ERCC6: variants seen among roughly 807,000 people sequenced by gnomAD.
ERCC6 encodes DNA excision repair protein ERCC-6.
ERCC6 carries 116 observed loss-of-function variants against 158.7 expected under a neutral mutation model. The observed-to-expected ratio is 0.73, with a 90% CI of 0.63 to 0.85. ERCC6 has a LOEUF of 0.85. ERCC6 is among the 40% of genes least tolerant of loss of function. The pLI is 0.00. For missense variants in ERCC6, 1,698 were observed against 1,799.4 expected (o/e 0.94, Z 1.02); for synonymous variants, 678 against 659.3 (o/e 1.03, Z -0.43).
chr10:49,511,371 G>A (rs1836813236), intron 5 of ERCC6, among the ~76,000 whole-genome samples: 1 of 151,294 alleles, frequency 6.6e-6, no homozygotes, highest in Non-Finnish European at 1.5e-5. Flanking sequence ...ATCTATACAT[G>A]TAAAAGTCAC....
intron 8 of ERCC6, among the ~76,000 whole-genome samples, chr10:49,484,852 T>C (rs146087611): frequency 0.014 from 2,143 of 152,314 alleles, 24 homozygotes; most frequent in Non-Finnish European, 0.022. Context: ...GCATCAGACA[T>C]CTTTTCTGCA....
intron 8 of ERCC6, among the ~76,000 whole-genome samples, chr10:49,487,390 C>T (rs1851094850): frequency 6.6e-6 from 1 of 152,262 alleles, no homozygotes; most frequent in East Asian, 1.9e-4. Context: ...TATTGAAGGC[C>T]ACATCTGAAA....
At position 49,482,538 on chromosome 10, in the gene ERCC6, G is replaced by GGTT. The variant is rs1590417243; in HGVS notation, c.2169+148_2169+149insAAC. The GGTT allele has an allele frequency of 1.1e-5, 6 of 542,480 alleles. No individual in the cohort carries two copies. In the East Asian group the frequency reaches 1.9e-4, roughly 17 times the overall value. 33.6% of individuals were successfully genotyped at this position (542,480 alleles called of 1,614,324 possible). A position where few individuals can be genotyped will look rare whatever the true frequency, so the allele number is the denominator to read the frequency against. On this transcript the variant is annotated intron_variant, in intron 10 of 20. Transcript: ENST00000355832. ...TATGATCAAGCAAAGATAATTTTGT[G>GGTT]ATTTTTTTTTTTTTTTTTTAACCAG...
At chr10:49,539,206 T>TG (rs1224758405), upstream of ERCC6, among the ~76,000 whole-genome samples, 1 of 152,248 alleles carries the variant, frequency 6.6e-6, no homozygotes, top group Non-Finnish European at 1.5e-5. Flanking sequence ...CCTTTCTACT[T>TG]GCGTGCGAGC....
chr10:49,462,312 G>A (rs74700584), intron 18 of ERCC6, among the ~76,000 whole-genome samples: 2,027 of 152,160 alleles, frequency 0.013, 43 homozygotes, highest in African/African-American at 0.047. Context: ...GGGCACAAAC[G>A]TTGGGGCATT....
chr10:49,528,748 C>A (rs141252710), intron 3 of ERCC6, among the ~76,000 whole-genome samples: 5 of 152,302 alleles, frequency 3.3e-5, no homozygotes, highest in Admixed American at 6.5e-5. Context: ...GACAGGCATG[C>A]CTGCACCCCC....
intron 8 of ERCC6, 130 bp downstream of exon 8, chr10:49,492,987 A>G (rs1851201489): frequency 3.3e-6 from 3 of 922,158 alleles, no homozygotes; most frequent in Non-Finnish European, 4.9e-6. Context: ...AATAATAATA[A>G]ATTAACTTTA....
intron 8 of ERCC6, among the ~76,000 whole-genome samples, chr10:49,489,177 A>G (rs375692468): frequency 2.6e-5 from 4 of 152,212 alleles, no homozygotes; most frequent in African/African-American, 9.7e-5. Flanking sequence ...GATGATCTTG[A>G]ATGACCATGA....
chr10:49,531,880 C>G (rs1162535594), intron 2 of ERCC6, among the ~76,000 whole-genome samples: 1 of 152,166 alleles, frequency 6.6e-6, no homozygotes, highest in Non-Finnish European at 1.5e-5. Context: ...GGGGGCCAAG[C>G]AGCAATGATA....
chr10:49,461,284 G>T, intron 19 of ERCC6, 68 bp downstream of exon 19: 5 of 1,485,638 alleles, frequency 3.4e-6, no homozygotes, highest in Non-Finnish European at 2.8e-6. Flanking sequence ...CTCCACACCT[G>T]CCCTGATTTT....
chr10:49,451,177 GTTT>G (rs35839478), downstream of ERCC6, among the ~76,000 whole-genome samples: 3 of 130,142 alleles, frequency 2.3e-5, no homozygotes, highest in Non-Finnish European at 4.7e-5. Flanking sequence ...AGTTTCAATA[GTTT>G]TTTTTTTTTT....
chr10:49,446,647 A>G, the ERCC6 span, among the ~76,000 whole-genome samples: 47 of 152,056 alleles, frequency 3.1e-4, no homozygotes, highest in Admixed American at 4.6e-4. Context: ...GTGTGGTGGC[A>G]TCTGCCTGTA....
intron 1 of ERCC6, among the ~76,000 whole-genome samples, chr10:49,537,024 T>C (rs1028587939): frequency 6.6e-5 from 10 of 152,134 alleles, no homozygotes; most frequent in Non-Finnish European, 1.5e-4. Context: ...AAGGCTCTTA[T>C]CAGGTTAAAG....
At chr10:49,494,322 G>A (rs905329935) in intron 7 of ERCC6, among the ~76,000 whole-genome samples, 2 of 152,130 alleles carry the variant, frequency 1.3e-5, no homozygotes, top group African/African-American at 2.4e-5. Flanking sequence ...CTTAGAACAG[G>A]ACCATATAGA....
intron 1 of ERCC6, among the ~76,000 whole-genome samples, chr10:49,538,687 C>A (rs1487401719): frequency 6.6e-6 from 1 of 152,218 alleles, no homozygotes; most frequent in Non-Finnish European, 1.5e-5. Flanking sequence ...ACCCTGCGCG[C>A]AGGGGGCCTT....
At chr10:49,483,720 ACT>A (rs2081194045) in intron 8 of ERCC6, among the ~76,000 whole-genome samples, 1 of 151,930 alleles carries the variant, frequency 6.6e-6, no homozygotes, top group African/African-American at 2.4e-5. Context: ...GGGGAAGGAG[ACT>A]CTCAAAAAGA....
chr10:49,513,885 G>A (rs1836877644), intron 5 of ERCC6, among the ~76,000 whole-genome samples: 1 of 151,736 alleles, frequency 6.6e-6, no homozygotes, highest in Non-Finnish European at 1.5e-5. Flanking sequence ...AAGCAGACAG[G>A]GAGAAAGAAA....
In ERCC6 at chr10:49,500,694, T is replaced by C. The variant is rs141874502; in HGVS notation, c.1529A>G (p.Tyr510Cys). 6 of 1,613,580 alleles carry C rather than the reference T, an allele frequency of 3.7e-6. No homozygotes were observed. In the African/African-American group the frequency reaches 6.7e-5, roughly 18 times the overall value. ...CAGCCACCTAACACCTGTCTGCTGG[T>C]ACCTATGACAACAAACACCAACAAG... is the stretch of plus-strand genomic sequence containing the variant. ...PGFLFKKLFK[Y>C]QQTGVRWLWE... The change falls in exon 7 of 21, where the codon TAC becomes TGC. Residue 510 changes from tyrosine to cysteine, a missense_variant and splice_region_variant. Transcript: ENST00000355832.
At position 49,483,364 on chromosome 10, in the gene ERCC6, G is replaced by A. The variant is rs1463979210; in HGVS notation, c.1974C>T (p.Val658=). The part of the protein sequence containing the change: ...GHKIRNPNAA[V]TLACKQFRTP... The stretch of plus-strand genomic sequence containing the variant: ...GTCATACCTGTTTGCAAGCAAGGGT[G>A]ACAGCAGCATTTGGATTTCGAATTT... Residue 658 remains valine (V), a synonymous_variant, in exon 9 of 21, where the codon GTC becomes GTT. Coordinates refer to ENST00000355832, the MANE Select transcript of ERCC6 (RefSeq NM_000124.4). 12 of 1,614,066 alleles carry A rather than the reference G, an allele frequency of 7.4e-6. No homozygotes were observed. The highest frequency in any genetic ancestry group is 1.0e-5 in the Non-Finnish European group (12 of 1,180,028).
Sources: allele counts gnomAD v4.1 joint callset (sites outside exome capture counted in the v4.1 genomes callset), GRCh38; gene constraint gnomAD v4.1.1; transcripts MANE v1.5; gene names NCBI Gene and HGNC (gene_info 2026-07-23, HGNC 2026-07-21).